PLCG2: variants seen among roughly 807,000 people sequenced by gnomAD.
PLCG2 encodes phospholipase C gamma 2, also known as 1-phosphatidylinositol 4,5-bisphosphate phosphodiesterase gamma-2.
In PLCG2, 69 loss-of-function variants were observed where a neutral mutation model predicts 175.6. The ratio of observed to expected loss-of-function variants is 0.39; its 90% confidence interval spans 0.32 to 0.48. PLCG2 has a LOEUF of 0.48. Ranked by LOEUF, PLCG2 falls within the 20% of genes least tolerant of loss-of-function variation. The probability of loss-of-function intolerance (pLI) is 0.91; values close to 1 mark genes in which losing one functional copy is unlikely to be tolerated. For missense variants in PLCG2, 1,798 were observed against 1,650.9 expected, an observed-to-expected ratio of 1.09 and a Z score of -1.54; for synonymous variants, 827 against 624.0, an observed-to-expected ratio of 1.33 and a Z score of -4.85.
intron 7 of PLCG2, among the ~76,000 whole-genome samples, chr16:81,873,577 T>A (rs1907623443): frequency 6.6e-6 from 1 of 152,112 alleles, no homozygotes; most frequent in African/African-American, 2.4e-5. Context: ...AATAATAGTT[T>A]ACCTTGAAAT....
chr16:81,936,065 C>A, intron 26 of PLCG2, 104 bp from the exon 27 acceptor site: 1 of 1,500,050 alleles, frequency 6.7e-7, no homozygotes, highest in Non-Finnish European at 8.9e-7. Context: ...GAGGGAGATT[C>A]CTGGTTTCCT....
upstream of PLCG2, among the ~76,000 whole-genome samples, chr16:81,776,798 G>T (rs975506277): frequency 1.3e-5 from 2 of 152,116 alleles, no homozygotes; most frequent in African/African-American, 4.8e-5. Context: ...CAGGTAAGCC[G>T]CCTGCCTTGG....
chr16:81,921,121 C>G (rs950193991), intron 20 of PLCG2, 77 bp from the exon 21 acceptor site: 8 of 883,610 alleles, frequency 9.1e-6, no homozygotes, highest in African/African-American at 6.6e-5. Flanking sequence ...CATAAGGAAG[C>G]CTAGAACCCT....
At chr16:81,798,777 AGAG>A (rs1237111919) in intron 2 of PLCG2, 1 of 152,322 alleles carries the variant, frequency 6.6e-6, no homozygotes, top group Non-Finnish European at 1.5e-5. Context: ...TGCAGCAGGA[AGAG>A]GAGACCCCGC....
intron 2 of PLCG2, among the ~76,000 whole-genome samples, chr16:81,844,641 T>C (rs539539023): frequency 5.3e-5 from 8 of 152,346 alleles, no homozygotes; most frequent in Admixed American, 4.6e-4. Context: ...ACTGTTTTCA[T>C]TGGCACCTAG....
In PLCG2 at chr16:81,908,413, C is replaced by T; in HGVS notation, c.1558-3C>T. On this transcript the variant is annotated splice_region_variant and splice_polypyrimidine_tract_variant and intron_variant, in intron 16 of 32. Transcript: ENST00000564138. ...AGAAACCCCTCCTCTCTTTGCGGCC[C>T]AGGATATACCCCCTACAGAACTACA... 1 of 1,613,064 alleles carries T rather than the reference C, an allele frequency of 6.2e-7. No homozygotes were observed. Among genetic ancestry groups the T allele is most frequent in the Non-Finnish European group, 8.5e-7 (1 of 1,179,426 alleles).
intron 2 of PLCG2, among the ~76,000 whole-genome samples, chr16:81,824,052 TCCTGTCCTGTCCTG>T (rs1567483161): frequency 0.15 from 10,675 of 69,638 alleles, 989 homozygotes; most frequent in East Asian, 0.41. Flanking sequence ...TCCTTTCCTG[TCCTGTCCTGTCCTG>T]TCCTGTCCTG....
At chr16:81,891,450 T>A in intron 10 of PLCG2, 22 bp from the exon 11 acceptor site, 1 of 1,270,470 alleles carries the variant, frequency 7.9e-7, no homozygotes, top group South Asian at 1.2e-5. Context: ...GATGATTCGG[T>A]CTTCGTGTTT....
intron 7 of PLCG2, among the ~76,000 whole-genome samples, chr16:81,876,456 C>G (rs1488103520): frequency 6.6e-6 from 1 of 152,158 alleles, no homozygotes; most frequent in African/African-American, 2.4e-5. Flanking sequence ...TGGGAAAACT[C>G]CATTCCTTTC....
At chr16:81,950,196 C>A (rs1044153290) in intron 31 of PLCG2, among the ~76,000 whole-genome samples, 1 of 152,102 alleles carries the variant, frequency 6.6e-6, no homozygotes, top group African/African-American at 2.4e-5. Context: ...AATCTACCTG[C>A]AGTGTTTACA....
At chr16:81,792,473 T>C (rs1383295632) in intron 2 of PLCG2, among the ~76,000 whole-genome samples, 1 of 75,724 alleles carries the variant, frequency 1.3e-5, no homozygotes, top group Non-Finnish European at 2.2e-5. Context: ...AGAGCAAGGC[T>C]CTGTCTCAAA....
At chr16:81,799,840 A>G (rs563857380) in intron 2 of PLCG2, among the ~76,000 whole-genome samples, 20 of 151,918 alleles carry the variant, frequency 1.3e-4, no homozygotes, top group South Asian at 6.2e-4. Flanking sequence ...TGATCCTCCC[A>G]CCTTGGCCTC....
At chr16:81,789,208 C>G (rs969152724) in intron 2 of PLCG2, among the ~76,000 whole-genome samples, 1 of 152,130 alleles carries the variant, frequency 6.6e-6, no homozygotes, top group Non-Finnish European at 1.5e-5. Context: ...GGGCATGAGA[C>G]AGGATTTTGG....
Position 81,880,970 on chromosome 16 carries a change from G to C in PLCG2, c.692+17G>C. 6.2e-7 allele frequency: 1 copy of C among 1,613,814 alleles called. No homozygotes were observed. Among genetic ancestry groups the C allele is most frequent in the Non-Finnish European group, 8.5e-7 (1 of 1,179,672 alleles). On this transcript the variant is annotated intron_variant, in intron 8 of 32. Transcript: ENST00000564138. ...CATCCTGGGGTGAGGCAGCTCTTGT[G>C]TGTCGTTCGGGGCGGCTGTGCCGGA...
At chr16:81,757,307 CCAAA>C (rs1246766087) in intron 2 of PLCG2, among the ~76,000 whole-genome samples, 1 of 152,000 alleles carries the variant, frequency 6.6e-6, no homozygotes, top group East Asian at 1.9e-4. Flanking sequence ...CACAAAACCC[CCAAA>C]CAAACAAAAA....
chr16:81,934,823 T>C (rs1910641075), intron 26 of PLCG2, among the ~76,000 whole-genome samples: 1 of 152,122 alleles, frequency 6.6e-6, no homozygotes, highest in African/African-American at 2.4e-5. Context: ...CTCACAATTA[T>C]GGCAGCAGAG....
At chr16:81,870,262 G>A (rs1159542330) in intron 6 of PLCG2, among the ~76,000 whole-genome samples, 1 of 152,154 alleles carries the variant, frequency 6.6e-6, no homozygotes, top group Non-Finnish European at 1.5e-5. Context: ...TCACTTTCAG[G>A]GAAGCCCTAG....
intron 1 of PLCG2, among the ~76,000 whole-genome samples, chr16:81,754,799 G>A (rs4538006): frequency 1 from 151,649 of 152,234 alleles, 75,537 homozygotes; most frequent in Middle Eastern, 1. Context: ...TATGAAGATT[G>A]AATGGAATAA....
chr16:81,801,505 C>G (rs1911715390), intron 2 of PLCG2, among the ~76,000 whole-genome samples: 2 of 152,140 alleles, frequency 1.3e-5, no homozygotes, highest in African/African-American at 4.8e-5. Context: ...AACAGTACAG[C>G]ACGATAGATT....
Sources: gnomAD v4.1 joint callset for allele counts (sites outside exome capture counted in the v4.1 genomes callset) on GRCh38, gnomAD v4.1.1 for gene constraint, MANE v1.5 for transcripts, NCBI Gene and HGNC (gene_info 2026-07-23, HGNC 2026-07-21) for gene names.